The following GUCY1B1 variants were observed in gnomAD, a reference collection of about 807,000 sequenced individuals.
GUCY1B1 encodes the protein guanylate cyclase soluble subunit beta-1.
GUCY1B1 carries 43 observed loss-of-function variants against 71.0 expected under a neutral mutation model. That is an observed-to-expected ratio of 0.61 (90% CI 0.47 to 0.78). GUCY1B1 has a LOEUF of 0.78. Ranked by LOEUF, GUCY1B1 falls within the 30% of genes least tolerant of loss-of-function variation. The probability of loss-of-function intolerance (pLI) is 0.00; values close to 1 mark genes in which losing one functional copy is unlikely to be tolerated. For synonymous variants in GUCY1B1, 266 were observed against 259.7 expected (o/e 1.02, Z -0.23); for missense variants, 535 against 754.1 (o/e 0.71, Z 3.40).
chr4:155,781,998 T>TAG (rs1334596051), intron 4 of GUCY1B1, among the ~76,000 whole-genome samples: 1 of 152,178 alleles, frequency 6.6e-6, no homozygotes, highest in African/African-American at 2.4e-5. Context: ...CACTTTTTTA[T>TAG]TCATAAATTG....
In GUCY1B1 at chr4:155,804,763, T is replaced by C; in HGVS notation, c.1709+16T>C. On this transcript the variant is annotated intron_variant, in intron 12 of 13. Coordinates refer to ENST00000264424, the MANE Select transcript of GUCY1B1 (RefSeq NM_000857.5). ...ATACATACAGGTGAGAGAAAATGTC[T>C]TGGTATTTACTGATTTGCAAAGAAA... 1.2e-6 allele frequency: 2 copies of C among 1,602,046 alleles called. No homozygotes were observed. The highest frequency in any genetic ancestry group is 1.1e-5 in the South Asian group (1 of 90,166).
In GUCY1B1 at chr4:155,802,006, T is replaced by C. The variant is rs1739987580; in HGVS notation, c.1176-336T>C. 6.6e-6 allele frequency among the ~76,000 whole-genome samples: 1 copy of C among 152,206 alleles called. No individual in the cohort carries two copies. The highest frequency in any genetic ancestry group is 2.1e-4 in the South Asian group (1 of 4,834). ...AGTCTTCATACTGTGACTATCGTAA[T>C]AGCAGGGTCAGAATACAGGACTACA... On this transcript the variant is annotated intron_variant, in intron 9 of 13. Transcript: ENST00000264424. The surrounding 1 kb of genome is among the most constrained non-coding windows in gnomAD (Gnocchi z 4.3).
chr4:155,769,662 T>C, intron 2 of GUCY1B1, among the ~76,000 whole-genome samples: 1 of 152,160 alleles, frequency 6.6e-6, no homozygotes, highest in Non-Finnish European at 1.5e-5. Flanking sequence ...ATGAGCACTC[T>C]TGAACACAGT....
intron 2 of GUCY1B1, among the ~76,000 whole-genome samples, chr4:155,764,141 C>T (rs1038716635): frequency 3.3e-5 from 5 of 152,046 alleles, no homozygotes; most frequent in African/African-American, 4.8e-5. Context: ...AGCACATCAC[C>T]ATGTTTTGCC....
chr4:155,799,921 G>C lies in GUCY1B1; in HGVS notation c.1022G>C (p.Ser341Thr). Residue 341 changes from serine to threonine, a missense_variant, in exon 9 of 14, where the codon AGT becomes ACT. By Grantham distance (58) the Ser-to-Thr change is moderately conservative. Coordinates refer to ENST00000264424, the MANE Select transcript of GUCY1B1 (RefSeq NM_000857.5). ...DDLTRRGLYL[S>T]DIPLHDATRD... The stretch of plus-strand genomic sequence containing the variant: ...TTGACAAGGAGAGGGCTGTATCTAA[G>C]TGACATCCCTCTGCATGATGCCACG... 6.2e-7 allele frequency: 1 copy of C among 1,613,424 alleles called. No homozygotes were observed.
chr4:155,775,944 T>G (rs1738015587), intron 3 of GUCY1B1, among the ~76,000 whole-genome samples: 1 of 152,216 alleles, frequency 6.6e-6, no homozygotes, highest in African/African-American at 2.4e-5. Flanking sequence ...TTGCCACATA[T>G]AACTAGGAAA....
At chr4:155,771,055 A>G (rs1267273502) in intron 2 of GUCY1B1, among the ~76,000 whole-genome samples, 1 of 152,210 alleles carries the variant, frequency 6.6e-6, no homozygotes, top group Non-Finnish European at 1.5e-5. Flanking sequence ...AAGTGCTTGG[A>G]CATAATAGGC....
In GUCY1B1 at chr4:155,798,795, A is replaced by G. The variant is rs183124833; in HGVS notation, c.978-1082A>G. ...ACTTTGCATTAAAAAAATTCAAGCC[A>G]AAGATATAACCTTATGCCATTTTAA... On this transcript the variant is annotated intron_variant, in intron 8 of 13. Transcript: ENST00000264424. Among the ~76,000 whole-genome samples the G allele has an allele frequency of 2.6e-5, 4 of 152,242 alleles. No individual in the cohort carries two copies. The East Asian group carries it at 7.7e-4, about 29-fold the overall frequency.
At chr4:155,779,043 G>A (rs917707161) in intron 4 of GUCY1B1, among the ~76,000 whole-genome samples, 3 of 151,756 alleles carry the variant, frequency 2.0e-5, no homozygotes, top group Admixed American at 6.6e-5. Context: ...GAGAGCAAGC[G>A]GCCTTTTAGG....
At chr4:155,800,135 T>C in intron 9 of GUCY1B1, 61 bp downstream of exon 9, 2 of 1,180,958 alleles carry the variant, frequency 1.7e-6, no homozygotes, top group Middle Eastern at 2.0e-4. Flanking sequence ...TCTACTATAT[T>C]TAAGTTTGAG....
At chr4:155,800,200 C>A in intron 9 of GUCY1B1, 126 bp downstream of exon 9, 1 of 521,406 alleles carries the variant, frequency 1.9e-6, no homozygotes, top group Non-Finnish European at 3.3e-6. Flanking sequence ...TAAATAAAAT[C>A]TTTCACATTG....
intron 1 of GUCY1B1, 23 bp downstream of exon 1, chr4:155,759,166 G>A (rs761072455): frequency 1.3e-5 from 20 of 1,570,856 alleles, no homozygotes; most frequent in Non-Finnish European, 1.7e-5. Context: ...AGCCGGGTGC[G>A]GCCCGAACCT....
chr4:155,804,793 G>T, intron 12 of GUCY1B1, 46 bp downstream of exon 12: 3 of 1,492,546 alleles, frequency 2.0e-6, no homozygotes, highest in Non-Finnish European at 2.8e-6. Flanking sequence ...AAGAAAATGT[G>T]TCTTTGCATG....
chr4:155,796,499 A>G lies in GUCY1B1; in HGVS notation c.966A>G (p.Leu322=), dbSNP rs773218587. The part of the protein sequence containing the change: ...YLPEADSILF[L]CSPSVMNLDD... ...CTGAAGCAGATAGCATACTTTTTCT[A>G]TGTTCACCAAGGTAATCATTTTTAG... Residue 322 remains leucine (L), a synonymous_variant, in exon 8 of 14, where the codon CTA becomes CTG. Coordinates refer to ENST00000264424, the MANE Select transcript of GUCY1B1 (RefSeq NM_000857.5). 1.7e-5 allele frequency: 28 copies of G among 1,610,016 alleles called. No homozygotes were observed. The South Asian group carries it at 2.4e-4, about 14-fold the overall frequency.
chr4:155,775,391 C>T (rs1301554764), intron 3 of GUCY1B1, among the ~76,000 whole-genome samples: 1 of 152,192 alleles, frequency 6.6e-6, no homozygotes, highest in Non-Finnish European at 1.5e-5. Flanking sequence ...CTGCCAGGCT[C>T]AAGTGATCCT....
chr4:155,771,192 A>T (rs1224775312), intron 2 of GUCY1B1, among the ~76,000 whole-genome samples: 3 of 152,232 alleles, frequency 2.0e-5, no homozygotes, highest in African/African-American at 7.2e-5. Context: ...TCAGAGTGAA[A>T]TTTTTAAAAG....
At chr4:155,804,938 T>C (rs924842927) in intron 12 of GUCY1B1, among the ~76,000 whole-genome samples, 165 bp from the exon 13 acceptor site, 3 of 151,984 alleles carry the variant, frequency 2.0e-5, no homozygotes, top group Admixed American at 6.6e-5. Flanking sequence ...TTTCACATCA[T>C]CTTAGGAAAT....
At chr4:155,767,149 C>A (rs559535551) in intron 2 of GUCY1B1, among the ~76,000 whole-genome samples, 4 of 152,218 alleles carry the variant, frequency 2.6e-5, no homozygotes, top group Non-Finnish European at 4.4e-5. Flanking sequence ...AGAGAAAGAC[C>A]TATAACCTTC....
chr4:155,781,932 G>A (rs3775087), intron 4 of GUCY1B1, among the ~76,000 whole-genome samples: 24,937 of 151,756 alleles, frequency 0.16, 2,338 homozygotes, highest in Middle Eastern at 0.25. Flanking sequence ...ATTTTACCTG[G>A]GTATATTGTT....
Sources: gnomAD v4.1 joint callset for allele counts (sites outside exome capture counted in the v4.1 genomes callset) on GRCh38, gnomAD v4.1.1 for gene constraint, Gnocchi (gnomAD v3.1) non-coding constraint, MANE v1.5 for transcripts, NCBI Gene and HGNC (gene_info 2026-07-23, HGNC 2026-07-21) for gene names.